The following CHN1 variants were observed in gnomAD, a reference collection of about 807,000 sequenced individuals.
The protein encoded by CHN1 is N-chimaerin.
Under a neutral mutation model 59.5 loss-of-function variants are expected in CHN1, and 37 were observed. The ratio of observed to expected loss-of-function variants is 0.62; its 90% CI spans 0.48 to 0.82. CHN1 has a LOEUF of 0.82. CHN1 is among the 40% of genes least tolerant of loss of function. The probability of loss-of-function intolerance (pLI) is 0.00; values close to 1 mark genes in which losing one functional copy is unlikely to be tolerated. For synonymous variants in CHN1, 206 were observed against 200.4 expected (o/e 1.03, Z -0.24); for missense variants, 469 against 571.0 (o/e 0.82, Z 1.82).
chr2:174,873,556 A>G (rs1687473436), intron 6 of CHN1, among the ~76,000 whole-genome samples: 1 of 152,214 alleles, frequency 6.6e-6, no homozygotes, highest in Non-Finnish European at 1.5e-5. Flanking sequence ...GCCTTGTGAG[A>G]GACTAAGCCA....
chr2:174,955,204 GATATATATATATATCT>G (rs1690165151), intron 1 of CHN1, among the ~76,000 whole-genome samples: 2 of 33,586 alleles, frequency 6.0e-5, no homozygotes, highest in Admixed American at 3.8e-4. Flanking sequence ...ATATATAATT[GATATATATATATATCT>G]ATATAGATAT....
intron 1 of CHN1, among the ~76,000 whole-genome samples, chr2:174,956,046 T>A (rs994351936): frequency 1.3e-5 from 2 of 152,030 alleles, no homozygotes; most frequent in Non-Finnish European, 2.9e-5. Flanking sequence ...AGTTGAAAAT[T>A]AAAAAACAAT....
chr2:174,845,781 T>TGGG lies in CHN1; in HGVS notation c.627+1096_627+1098dup, dbSNP rs61145499. 3.0e-4 allele frequency among the ~76,000 whole-genome samples: 23 copies of TGGG among 76,550 alleles called. 1 individual carries two copies. The highest frequency in any genetic ancestry group is 1.4e-3 in the East Asian group (3 of 2,100). The allele number at this position is 76,550 out of a possible 152,430, so 50.2% of individuals were successfully genotyped here. The stretch of plus-strand genomic sequence containing the variant: ...CTATGGAAAATGCAGAGCATATGGG[T>TGGG]GGGGGGGGGGGTGTTGGTATTTAGT... On this transcript the variant is annotated intron_variant, in intron 7 of 12. Transcript: ENST00000409900.
intron 6 of CHN1, among the ~76,000 whole-genome samples, chr2:174,860,562 T>C (rs1243609952): frequency 6.6e-6 from 1 of 152,184 alleles, no homozygotes; most frequent in Non-Finnish European, 1.5e-5. Flanking sequence ...TTATTGAGTA[T>C]CTATTATATG....
chr2:174,813,677 A>T (rs551035767), intron 8 of CHN1, among the ~76,000 whole-genome samples: 37 of 151,440 alleles, frequency 2.4e-4, no homozygotes, highest in South Asian at 4.2e-4. Context: ...TCATCTTTTT[A>T]AAAAAAATAA....
chr2:174,970,904 A>G (rs974567201), intron 1 of CHN1, among the ~76,000 whole-genome samples: 5 of 152,230 alleles, frequency 3.3e-5, no homozygotes, highest in Admixed American at 6.5e-5. Flanking sequence ...CATATATCCC[A>G]AACAAAACAA....
intron 1 of CHN1, among the ~76,000 whole-genome samples, chr2:174,974,638 AAG>A (rs1690862227): frequency 6.6e-6 from 1 of 152,190 alleles, no homozygotes; most frequent in African/African-American, 2.4e-5. Flanking sequence ...CTTCAAAGTC[AAG>A]GCAAATATGC....
intron 5 of CHN1, among the ~76,000 whole-genome samples, 194 bp downstream of exon 5, chr2:174,914,864 T>G (rs552254511): frequency 9.2e-4 from 130 of 141,960 alleles, no homozygotes; most frequent in Non-Finnish European, 1.4e-3. Flanking sequence ...AAAAAAAAGT[T>G]TTTCTATTCT....
chr2:174,812,492 G>C lies in CHN1; in HGVS notation c.713-10C>G. 1 of 1,613,150 alleles carries C rather than the reference G, an allele frequency of 6.2e-7. No homozygotes were observed. Among genetic ancestry groups the C allele is most frequent in the Non-Finnish European group, 8.5e-7 (1 of 1,179,372 alleles). ...ACATTCAAACCACAATCTAAGAAAA[G>C]AATAAAGAAAGGAAACATTCAATAT... On this transcript the variant is annotated splice_polypyrimidine_tract_variant and intron_variant, in intron 8 of 12. Transcript: ENST00000409900.
intron 6 of CHN1, among the ~76,000 whole-genome samples, chr2:174,849,637 C>T (rs887115029): frequency 6.6e-6 from 1 of 152,146 alleles, no homozygotes; most frequent in African/African-American, 2.4e-5. Context: ...AGATAGCCAT[C>T]TACTCATATA....
intron 5 of CHN1, among the ~76,000 whole-genome samples, chr2:174,907,656 T>C (rs1036801415): frequency 2.4e-4 from 36 of 148,868 alleles, no homozygotes; most frequent in Admixed American, 2.4e-3. Flanking sequence ...ACATGTGCAC[T>C]GTAAAAAAAA....
At position 174,915,180 on chromosome 2, in the gene CHN1, CAA is replaced by C. The variant is rs1558979820; in HGVS notation, c.147-11_147-10del. The C allele has an allele frequency of 6.3e-7, 1 of 1,595,268 alleles. No homozygotes were observed. On this transcript the variant is annotated splice_polypyrimidine_tract_variant and intron_variant, in intron 4 of 12. Coordinates refer to ENST00000409900, the MANE Select transcript of CHN1 (RefSeq NM_001822.7). ...AGATCATGCCATGAAACCTAAGAAACAAAGTCTATTCAGAAACTGTGCTTTCT... is the reference window on the plus strand; with the variant it reads ...AGATCATGCCATGAAACCTAAGAAACAGTCTATTCAGAAACTGTGCTTTCT...
chr2:174,964,937 T>C (rs952534247), intron 1 of CHN1, among the ~76,000 whole-genome samples: 1 of 152,178 alleles, frequency 6.6e-6, no homozygotes, highest in Non-Finnish European at 1.5e-5. Flanking sequence ...CCATAATCTT[T>C]TGTGCTGCTT....
At chr2:174,902,997 T>C (rs1574146144) in intron 5 of CHN1, among the ~76,000 whole-genome samples, 1 of 152,206 alleles carries the variant, frequency 6.6e-6, no homozygotes, top group Admixed American at 6.5e-5. Context: ...TTTTCTAAGA[T>C]AGCAGCAATA....
chr2:174,943,589 G>A (rs1440897634), intron 3 of CHN1, among the ~76,000 whole-genome samples: 1 of 151,922 alleles, frequency 6.6e-6, no homozygotes, highest in African/African-American at 2.4e-5. Context: ...CATTTACATG[G>A]TTCAAAAGTC....
At chr2:174,813,136 G>A (rs184747499) in intron 8 of CHN1, among the ~76,000 whole-genome samples, 22 of 152,192 alleles carry the variant, frequency 1.4e-4, no homozygotes, top group African/African-American at 4.6e-4. Context: ...TCTATGAAAC[G>A]GGTACTTTTT....
At chr2:174,954,823 C>T (rs1020738566) in intron 1 of CHN1, among the ~76,000 whole-genome samples, 3 of 152,006 alleles carry the variant, frequency 2.0e-5, no homozygotes, top group African/African-American at 7.2e-5. Flanking sequence ...AAAGGGAATA[C>T]TTTTACACTG....
chr2:174,847,915 A>G (rs886971279), intron 6 of CHN1, among the ~76,000 whole-genome samples: 2 of 152,196 alleles, frequency 1.3e-5, no homozygotes, highest in Non-Finnish European at 2.9e-5. Flanking sequence ...GGTTTTAAAA[A>G]TAATGCAGCA....
chr2:174,843,284 G>T (rs1289693430), intron 7 of CHN1, among the ~76,000 whole-genome samples: 1 of 152,010 alleles, frequency 6.6e-6, no homozygotes, highest in African/African-American at 2.4e-5. Flanking sequence ...TTGTTGCCCA[G>T]GCTGGAGTTC....
Sources: gnomAD v4.1 joint callset for allele counts (sites outside exome capture counted in the v4.1 genomes callset) on GRCh38, gnomAD v4.1.1 for gene constraint, MANE v1.5 for transcripts, NCBI Gene and HGNC (gene_info 2026-07-23, HGNC 2026-07-21) for gene names.